The following SLC35D4 variants were observed in gnomAD, a reference collection of about 807,000 sequenced individuals.
SLC35D4 encodes UDP-N-acetylglucosamine transporter SLC35D4.
the SLC35D4 span, among the ~76,000 whole-genome samples, chr18:23,280,611 G>C: frequency 6.6e-6 from 1 of 152,166 alleles, no homozygotes; most frequent in African/African-American, 2.4e-5. Context: ...GCTGCCAAGA[G>C]CTGAAAGCTT....
chr18:23,435,512 G>A, the SLC35D4 span, among the ~76,000 whole-genome samples: 4 of 151,976 alleles, frequency 2.6e-5, no homozygotes, highest in East Asian at 1.9e-4. Context: ...AAACAAACAA[G>A]CAAACCAAAA....
the SLC35D4 span, among the ~76,000 whole-genome samples, chr18:23,329,848 C>T: frequency 6.6e-6 from 1 of 152,268 alleles, no homozygotes; most frequent in East Asian, 1.9e-4. Context: ...AACTGTGGCA[C>T]ATATATACCA....
chr18:23,371,922 C>CCTTA, the SLC35D4 span, among the ~76,000 whole-genome samples: 1 of 934 alleles, frequency 1.1e-3, no homozygotes, highest in Non-Finnish European at 0.017. Flanking sequence ...TTTATTTCTT[C>CCTTA]CTTGTTTTTT....
chr18:23,320,104 A>G, the SLC35D4 span, among the ~76,000 whole-genome samples: 1 of 152,148 alleles, frequency 6.6e-6, no homozygotes, highest in Non-Finnish European at 1.5e-5. Context: ...GCTTCTGCCC[A>G]ATCTCTCTCT....
At chr18:23,421,783 T>C in the SLC35D4 span, among the ~76,000 whole-genome samples, 1 of 151,910 alleles carries the variant, frequency 6.6e-6, no homozygotes, top group Admixed American at 6.6e-5. Flanking sequence ...TTCAAGCGAT[T>C]CTCCTGCCTC....
chr18:23,360,740 C>CAT, the SLC35D4 span, among the ~76,000 whole-genome samples: 1 of 152,108 alleles, frequency 6.6e-6, no homozygotes, highest in Non-Finnish European at 1.5e-5. Context: ...ATGTATATTT[C>CAT]ATATATGTAA....
the SLC35D4 span, chr18:23,257,195 T>C: frequency 6.2e-7 from 1 of 1,606,224 alleles, no homozygotes; most frequent in Middle Eastern, 1.7e-4. Context: ...AATTTCAAAA[T>C]GAACATGCTT....
the SLC35D4 span, among the ~76,000 whole-genome samples, chr18:23,321,425 A>T: frequency 6.6e-6 from 1 of 151,958 alleles, no homozygotes; most frequent in Non-Finnish European, 1.5e-5. Flanking sequence ...CTATTTCCCT[A>T]GAGCCACTGG....
chr18:23,344,600 C>T, the SLC35D4 span, among the ~76,000 whole-genome samples: 4 of 126,044 alleles, frequency 3.2e-5, no homozygotes, highest in Non-Finnish European at 5.0e-5. Context: ...TTTTTTTCTT[C>T]TTTTTTTTTT....
chr18:23,339,031 G>A, the SLC35D4 span, among the ~76,000 whole-genome samples: 1 of 152,002 alleles, frequency 6.6e-6, no homozygotes, highest in Non-Finnish European at 1.5e-5. Context: ...GGGACTACAG[G>A]TACAAGCCAC....
chr18:23,402,772 C>T, the SLC35D4 span, among the ~76,000 whole-genome samples: 1 of 151,744 alleles, frequency 6.6e-6, no homozygotes, highest in African/African-American at 2.4e-5. Flanking sequence ...CCATTGCACT[C>T]CAGCCTGGGC....
the SLC35D4 span, chr18:23,365,753 T>TTAAA: frequency 1.3e-6 from 2 of 1,521,118 alleles, no homozygotes; most frequent in Non-Finnish European, 1.8e-6. Flanking sequence ...TTGGAAATAG[T>TTAAA]TAAATATGCC....
the SLC35D4 span, among the ~76,000 whole-genome samples, chr18:23,246,049 C>T: frequency 6.6e-6 from 1 of 152,152 alleles, no homozygotes; most frequent in Non-Finnish European, 1.5e-5. Flanking sequence ...GGGCAGATCA[C>T]GAGGTCAGGA....
chr18:23,304,477 AAG>A, the SLC35D4 span, among the ~76,000 whole-genome samples: 1 of 145,818 alleles, frequency 6.9e-6, no homozygotes, highest in African/African-American at 2.5e-5. Flanking sequence ...CATGTAAAAC[AAG>A]AATTATATAT....
the SLC35D4 span, among the ~76,000 whole-genome samples, chr18:23,383,883 C>T: frequency 5.3e-5 from 8 of 150,650 alleles, no homozygotes; most frequent in Non-Finnish European, 7.4e-5. Context: ...CTCCAAGGAG[C>T]GGCAGGATGA....
the SLC35D4 span, among the ~76,000 whole-genome samples, chr18:23,367,497 G>A: frequency 6.6e-6 from 1 of 152,128 alleles, no homozygotes; most frequent in Non-Finnish European, 1.5e-5. Context: ...CAGAGAGGGC[G>A]ATGGGAGGGT....
At chr18:23,268,555 G>A in the SLC35D4 span, among the ~76,000 whole-genome samples, 1 of 152,062 alleles carries the variant, frequency 6.6e-6, no homozygotes, top group African/African-American at 2.4e-5. Context: ...GAGAGTCACA[G>A]CCATCCAAGT....
the SLC35D4 span, among the ~76,000 whole-genome samples, chr18:23,335,004 CA>C: frequency 3.2e-4 from 42 of 130,940 alleles, no homozygotes; most frequent in Admixed American, 3.1e-4. Context: ...GACTCTGTCT[CA>C]AAAAAAAAAA....
chr18:23,297,130 C>T, the SLC35D4 span: 1 of 152,172 alleles, frequency 6.6e-6, no homozygotes, highest in African/African-American at 2.4e-5. Flanking sequence ...AAATGACAAC[C>T]GTGTGAGGTA....
Sources: gnomAD v4.1 joint callset for allele counts (sites outside exome capture counted in the v4.1 genomes callset) on GRCh38, gnomAD v4.1.1 for gene constraint, MANE v1.5 for transcripts, NCBI Gene and HGNC (gene_info 2026-07-23, HGNC 2026-07-21) for gene names.